The following PSMC3 variants were observed in gnomAD, a reference collection of about 807,000 sequenced individuals.
PSMC3 encodes the protein proteasome 26S subunit, ATPase 3.
PSMC3 carries 11 observed loss-of-function variants against 52.0 expected under a neutral mutation model. The observed-to-expected ratio is 0.21, with a 90% CI of 0.13 to 0.35. The LOEUF is 0.35. PSMC3 is among the 10% of genes least tolerant of loss of function. The pLI is 1.00. For missense variants in PSMC3, 238 were observed against 567.1 expected (o/e 0.42, Z 5.89); for synonymous variants, 201 against 218.8 (o/e 0.92, Z 0.72).
At chr11:47,425,095 C>A (rs1168641194) in intron 3 of PSMC3, 26 bp downstream of exon 3, 1 of 1,613,754 alleles carries the variant, frequency 6.2e-7, no homozygotes, top group Admixed American at 1.7e-5. Flanking sequence ...CTGACTCCCT[C>A]TCTTCCCCTC....
rs1038911611 is a variant in PSMC3 at position 47,422,194 on chromosome 11, T to A, written c.884+380A>T. Among the ~76,000 whole-genome samples the A allele has an allele frequency of 5.3e-5, 8 of 152,012 alleles. No individual in the cohort carries two copies. Among genetic ancestry groups the A allele is most frequent in the Non-Finnish European group, 1.2e-4 (8 of 67,980 alleles). On this transcript the variant is annotated intron_variant, in intron 8 of 11. Transcript: ENST00000298852. The surrounding 1 kb of genome is among the most constrained non-coding windows in gnomAD (Gnocchi z 4.3). ...GGCATCTGGGACTACAGGCGCCTGCTACCACGCCCAGCTAATTTTTTGTAT... is the reference window on the plus strand; with the variant it reads ...GGCATCTGGGACTACAGGCGCCTGCAACCACGCCCAGCTAATTTTTTGTAT...
intron 6 of PSMC3, 106 bp from the exon 7 acceptor site, chr11:47,423,079 G>A (rs1383589152): frequency 1.7e-6 from 2 of 1,197,310 alleles, no homozygotes; most frequent in Non-Finnish European, 2.3e-6. Context: ...TCTAACTCAG[G>A]GACACGCCCA....
In PSMC3 at chr11:47,426,408, C is replaced by A; in HGVS notation, c.-129G>T. 1 of 772,390 alleles carries A rather than the reference C, an allele frequency of 1.3e-6. No individual in the cohort carries two copies. The highest frequency in any genetic ancestry group is 2.2e-5 in the South Asian group (1 of 44,718). 47.8% of individuals were successfully genotyped at this position (772,390 alleles called of 1,614,324 possible). On this transcript the variant is annotated 5_prime_UTR_variant, in exon 1 of 12. Transcript: ENST00000298852. ...CACAAATCCCGACTCTTGACCCGAC[C>A]AGCTCCGGCCGTGCTGCGGAGCAGC...
At chr11:47,421,066 G>A (rs1187711828) in intron 8 of PSMC3, among the ~76,000 whole-genome samples, 2 of 151,792 alleles carry the variant, frequency 1.3e-5, no homozygotes, top group Admixed American at 1.3e-4. Flanking sequence ...CCAACCAGGT[G>A]AGATGGTGAA....
At position 47,424,362 on chromosome 11, in the gene PSMC3, C is replaced by T; in HGVS notation, c.453+67G>A. On this transcript the variant is annotated intron_variant, in intron 5 of 11. Transcript: ENST00000298852. This position sits in a 1 kb window ranked among gnomAD's most constrained non-coding sequence, Gnocchi z 4.8. Reference sequence around the variant, plus strand: ...TGCCAAGATTCAGAGCCAACAGTGACCTGGGGCGGGTACAGGGGCTCAGCT... The same window carrying T: ...TGCCAAGATTCAGAGCCAACAGTGATCTGGGGCGGGTACAGGGGCTCAGCT... 6.3e-7 allele frequency: 1 copy of T among 1,580,176 alleles called. No homozygotes were observed. The highest frequency in any genetic ancestry group is 1.1e-5 in the South Asian group (1 of 90,184).
intron 10 of PSMC3, among the ~76,000 whole-genome samples, chr11:47,419,642 A>G (rs542376720): frequency 4.9e-4 from 75 of 152,220 alleles, no homozygotes; most frequent in East Asian, 1.7e-3. Context: ...GGCGGATCAC[A>G]AGGTCAGGAA....
chr11:47,422,711 T>C lies in PSMC3; in HGVS notation c.747A>G (p.Leu249=). Residue 249 remains leucine (L), a synonymous_variant, in exon 8 of 12, where the codon CTA becomes CTG. Coordinates refer to ENST00000298852, the MANE Select transcript of PSMC3 (RefSeq NM_002804.5). The surrounding 1 kb of genome is among the most constrained non-coding windows in gnomAD (Gnocchi z 4.3). ...GCACCAGCTGGGGGCCAGCCAGCTT[T>C]AGGAAGGTGGCCTGGCAGGAAAAGG... ...ACAAQTKATF[L]KLAGPQLVQM... 1 of 1,614,140 alleles carries C rather than the reference T, an allele frequency of 6.2e-7. No homozygotes were observed. Among genetic ancestry groups the C allele is most frequent in the Non-Finnish European group, 8.5e-7 (1 of 1,180,030 alleles).
rs778754170 is a variant in PSMC3, at chr11:47,424,375, C to T, written c.453+54G>A. The stretch of plus-strand genomic sequence containing the variant: ...AGCCAACAGTGACCTGGGGCGGGTA[C>T]AGGGGCTCAGCTAGTCACCAGAAAA... On this transcript the variant is annotated intron_variant, in intron 5 of 11. Transcript: ENST00000298852. This position sits in a 1 kb window ranked among gnomAD's most constrained non-coding sequence, Gnocchi z 4.8. The T allele has an allele frequency of 2.1e-5, 34 of 1,593,880 alleles. No homozygotes were observed. In the South Asian group the frequency reaches 2.8e-4, roughly 13 times the overall value.
chr11:47,423,997 GA>G, intron 6 of PSMC3, 48 bp downstream of exon 6: 2 of 1,613,266 alleles, frequency 1.2e-6, no homozygotes, highest in South Asian at 1.1e-5. Flanking sequence ...ATGGCGTGGA[GA>G]AACTAAAAGG....
intron 10 of PSMC3, 78 bp from the exon 11 acceptor site, chr11:47,419,275 C>T (rs1349088735): frequency 8.8e-6 from 13 of 1,481,408 alleles, no homozygotes; most frequent in South Asian, 2.3e-5. Flanking sequence ...CCCCTGGCCC[C>T]GTCAAGCAAC....
chr11:47,425,824 T>C, intron 2 of PSMC3, 43 bp downstream of exon 2: 1 of 1,573,178 alleles, frequency 6.4e-7, no homozygotes, highest in Non-Finnish European at 8.7e-7. Flanking sequence ...CCGGGGCCTG[T>C]CCTGTGGGGG....
At chr11:47,423,270 G>A (rs1241001943) in intron 6 of PSMC3, among the ~76,000 whole-genome samples, 3 of 151,986 alleles carry the variant, frequency 2.0e-5, no homozygotes, top group East Asian at 1.9e-4. Flanking sequence ...CGGGGTGGTC[G>A]GGTGCCTGTA....
intron 1 of PSMC3, 65 bp downstream of exon 1, chr11:47,426,140 C>T (rs2096046144): frequency 1.3e-6 from 2 of 1,511,754 alleles, no homozygotes; most frequent in African/African-American, 2.8e-5. Flanking sequence ...CACCTCCTTC[C>T]CTCTTGTCAA....
intron 6 of PSMC3, among the ~76,000 whole-genome samples, chr11:47,423,768 A>G (rs1270910151): frequency 1.6e-4 from 24 of 147,398 alleles, no homozygotes; most frequent in Non-Finnish European, 1.5e-5. Flanking sequence ...CAGCATGGGC[A>G]GTAAAAGCAA....
chr11:47,424,332 T>C lies in PSMC3; in HGVS notation c.453+97A>G. The stretch of plus-strand genomic sequence containing the variant: ...AGACAGAATCCCAGACTCTCGGAGC[T>C]GTTCTGCCAAGATTCAGAGCCAACA... On this transcript the variant is annotated intron_variant, in intron 5 of 11. Coordinates refer to ENST00000298852, the MANE Select transcript of PSMC3 (RefSeq NM_002804.5). This position sits in a 1 kb window ranked among gnomAD's most constrained non-coding sequence, Gnocchi z 4.8. 6.4e-7 allele frequency: 1 copy of C among 1,558,732 alleles called. No individual in the cohort carries two copies. The highest frequency in any genetic ancestry group is 8.8e-7 in the Non-Finnish European group (1 of 1,131,100).
At position 47,426,418 on chromosome 11, in the gene PSMC3, C is replaced by A. The variant is rs1056519470; in HGVS notation, c.-139G>T. On this transcript the variant is annotated 5_prime_UTR_variant, in exon 1 of 12. Coordinates refer to ENST00000298852, the MANE Select transcript of PSMC3 (RefSeq NM_002804.5). ...GACTCTTGACCCGACCAGCTCCGGC[C>A]GTGCTGCGGAGCAGCGAATCTGCCT... The A allele has an allele frequency of 5.7e-6, 4 of 702,556 alleles. No homozygotes were observed. Among genetic ancestry groups the A allele is most frequent in the South Asian group, 5.1e-5 (2 of 39,262 alleles). 43.5% of individuals were successfully genotyped at this position (702,556 alleles called of 1,614,324 possible).
At position 47,424,539 on chromosome 11, in the gene PSMC3, GCTC is replaced by G. The variant is rs757995998; in HGVS notation, c.391-51_391-49del. 6.2e-7 allele frequency: 1 copy of G among 1,608,110 alleles called. No individual in the cohort carries two copies. Among genetic ancestry groups the G allele is most frequent in the Non-Finnish European group, 8.5e-7 (1 of 1,174,546 alleles). Reference sequence around the variant, plus strand: ...GTCTCAGTTAGTGTCCTCAGGGAAGGCTCCCTAGTCCTGTCCCACATCCGCTCC... The same window carrying G: ...GTCTCAGTTAGTGTCCTCAGGGAAGGCCTAGTCCTGTCCCACATCCGCTCC... On this transcript the variant is annotated intron_variant, in intron 4 of 11. Transcript: ENST00000298852. This position sits in a 1 kb window ranked among gnomAD's most constrained non-coding sequence, Gnocchi z 4.8.
chr11:47,426,131 A>G, intron 1 of PSMC3, 74 bp downstream of exon 1: 89 of 1,331,612 alleles, frequency 6.7e-5, no homozygotes, highest in Non-Finnish European at 8.7e-5. Flanking sequence ...ACCCCCAGCC[A>G]CCTCCTTCCC....
rs2096045600 is a variant in PSMC3, at chr11:47,425,722, T to C, written c.159+145A>G. The C allele has an allele frequency of 4.4e-6, 3 of 684,664 alleles. No individual in the cohort carries two copies. The South Asian group carries it at 6.2e-5, about 14-fold the overall frequency. 42.4% of individuals were successfully genotyped at this position (684,664 alleles called of 1,614,324 possible). A position where few individuals can be genotyped will look rare whatever the true frequency, so the allele number is the denominator to read the frequency against. On this transcript the variant is annotated intron_variant, in intron 2 of 11. Transcript: ENST00000298852. ...TCTTGTCCCTTTTAAGGCTTAGTTT[T>C]CTTTCCTCTCTTCCTGATATGAGGG...
Sources: gnomAD v4.1 joint callset for allele counts (sites outside exome capture counted in the v4.1 genomes callset) on GRCh38, gnomAD v4.1.1 for gene constraint, Gnocchi (gnomAD v3.1) non-coding constraint, MANE v1.5 for transcripts, NCBI Gene and HGNC (gene_info 2026-07-23, HGNC 2026-07-21) for gene names.